The following BABAM2 variants were observed in gnomAD, a reference collection of about 807,000 sequenced individuals.
The protein encoded by BABAM2 is BRISC and BRCA1-A complex member 2.
BABAM2 carries 31 observed loss-of-function variants against 54.7 expected under a neutral mutation model. That is an observed-to-expected ratio of 0.57 (90% CI 0.43 to 0.77). The LOEUF (loss-of-function observed/expected upper bound fraction) is 0.77, where lower values mean the gene tolerates loss of function less well. Among genes scored for constraint, BABAM2 ranks in the 30% least tolerant of loss-of-function variants. The pLI is 0.00. For synonymous variants in BABAM2, 167 were observed against 162.9 expected (o/e 1.03, Z -0.19); for missense variants, 364 against 455.8 (o/e 0.80, Z 1.83).
At chr2:28,052,538 TGGG>T (rs1678078334) in intron 6 of BABAM2, among the ~76,000 whole-genome samples, 8 of 152,144 alleles carry the variant, frequency 5.3e-5, no homozygotes, top group Non-Finnish European at 8.8e-5. Context: ...TCTGCCTGCC[TGGG>T]TCTCCCAAAG....
At chr2:28,065,978 TAA>T (rs756592657) in intron 6 of BABAM2, among the ~76,000 whole-genome samples, 14 of 91,870 alleles carry the variant, frequency 1.5e-4, no homozygotes, top group Admixed American at 4.8e-4. Flanking sequence ...CTGTCTCTAC[TAA>T]AAAAAAAAAA....
chr2:28,268,014 T>C (rs1255638776), intron 10 of BABAM2, among the ~76,000 whole-genome samples: 4 of 152,108 alleles, frequency 2.6e-5, no homozygotes, highest in Non-Finnish European at 5.9e-5. Context: ...CTATACACAA[T>C]AAAGACGAAA....
chr2:28,024,330 C>A (rs904055328), intron 4 of BABAM2, among the ~76,000 whole-genome samples: 3 of 151,562 alleles, frequency 2.0e-5, no homozygotes, highest in African/African-American at 7.3e-5. Context: ...GGCGTGAACC[C>A]GGGAGGCGGA....
intron 6 of BABAM2, among the ~76,000 whole-genome samples, chr2:28,100,323 G>C (rs1666970067): frequency 6.6e-6 from 1 of 151,974 alleles, no homozygotes; most frequent in African/African-American, 2.4e-5. Flanking sequence ...AACCGGGTGT[G>C]GTGGCGCGTG....
chr2:28,319,071 TA>T (rs1356997055), intron 11 of BABAM2, among the ~76,000 whole-genome samples: 2 of 152,174 alleles, frequency 1.3e-5, no homozygotes, highest in Non-Finnish European at 2.9e-5. Context: ...AAGATGCCTT[TA>T]AAAATGCAAA....
chr2:28,295,969 C>T (rs532262179), intron 10 of BABAM2, among the ~76,000 whole-genome samples: 90 of 152,196 alleles, frequency 5.9e-4, no homozygotes, highest in African/African-American at 2.1e-3. Context: ...ATTAGCCGAA[C>T]GTGGTGGCAG....
At chr2:27,920,976 T>G (rs527249383) in intron 2 of BABAM2, among the ~76,000 whole-genome samples, 5 of 152,346 alleles carry the variant, frequency 3.3e-5, no homozygotes, top group Non-Finnish European at 5.9e-5. Flanking sequence ...AGATTAGTTC[T>G]TGGCTGTCAC....
intron 7 of BABAM2, among the ~76,000 whole-genome samples, chr2:28,176,909 G>C (rs550830486): frequency 5.5e-4 from 84 of 151,618 alleles, no homozygotes; most frequent in African/African-American, 2.0e-3. Flanking sequence ...TGACATATGG[G>C]ACACCATAAA....
chr2:28,142,323 A>G (rs1671137489), intron 7 of BABAM2, among the ~76,000 whole-genome samples: 1 of 152,220 alleles, frequency 6.6e-6, no homozygotes, highest in South Asian at 2.1e-4. Context: ...AAATAGGACC[A>G]TAACAGGGAA....
chr2:28,072,025 G>C (rs1020549271), intron 6 of BABAM2, among the ~76,000 whole-genome samples: 7 of 152,088 alleles, frequency 4.6e-5, no homozygotes, highest in Admixed American at 6.6e-5. Context: ...CCTGGATTCT[G>C]TTTGTTTTGT....
At chr2:28,043,894 A>G (rs752093136) in intron 5 of BABAM2, among the ~76,000 whole-genome samples, 13 of 152,194 alleles carry the variant, frequency 8.5e-5, no homozygotes, top group Non-Finnish European at 1.6e-4. Flanking sequence ...ATGGCGTTCA[A>G]TACTGAGAAT....
intron 3 of BABAM2, among the ~76,000 whole-genome samples, chr2:27,979,430 A>G (rs572145723): frequency 1.3e-5 from 2 of 152,088 alleles, no homozygotes; most frequent in South Asian, 2.1e-4. Flanking sequence ...ACATATGAGT[A>G]TATGTGTTTT....
rs146413177 is a variant in BABAM2 at position 28,277,901 on chromosome 2, G to A, written c.935-20437G>A. On this transcript the variant is annotated intron_variant, in intron 10 of 11. Coordinates refer to ENST00000379624, the MANE Select transcript of BABAM2 (RefSeq NM_199191.3). ...GGCATGCAAACACTGCGTGGAAAAT[G>A]CCATAATACATGTGTAGAAACCCCC... is the stretch of plus-strand genomic sequence containing the variant. Among the ~76,000 whole-genome samples the A allele has an allele frequency of 1.5e-4, 23 of 152,310 alleles. No homozygotes were observed. The East Asian group carries it at 4.1e-3, about 27-fold the overall frequency.
intron 6 of BABAM2, among the ~76,000 whole-genome samples, chr2:28,107,346 T>A (rs1460718834): frequency 6.6e-6 from 1 of 152,246 alleles, no homozygotes; most frequent in East Asian, 1.9e-4. Flanking sequence ...TTACTCACTT[T>A]GTAATCCCTT....
Position 28,200,769 on chromosome 2 carries a change from TG to T in BABAM2, c.681-36432del, listed in dbSNP as rs2147953300. On this transcript the variant is annotated intron_variant, in intron 7 of 11. Transcript: ENST00000379624. ...GTATCTATGGGGTTTTTTGTTTGTT[TG>T]TTTGTTTGTTTGTTTTGAGACAGAG... Among the ~76,000 whole-genome samples the T allele has an allele frequency of 2.0e-5, 3 of 151,952 alleles. 1 individual carries two copies. The South Asian group carries it at 6.2e-4, about 32-fold the overall frequency.
intron 7 of BABAM2, among the ~76,000 whole-genome samples, chr2:28,197,075 C>T (rs1434825702): frequency 6.6e-6 from 1 of 151,724 alleles, no homozygotes; most frequent in African/African-American, 2.4e-5. Flanking sequence ...TGGTCTCAAA[C>T]TCCTGAGCTC....
intron 4 of BABAM2, among the ~76,000 whole-genome samples, chr2:28,005,073 T>G (rs1031169233): frequency 6.6e-6 from 1 of 152,190 alleles, no homozygotes; most frequent in Admixed American, 6.5e-5. Context: ...TCTATACAGA[T>G]TAAATTAAAA....
In BABAM2 at chr2:28,189,860, A is replaced by C. The variant is rs545849170; in HGVS notation, c.681-47342A>C. Among the ~76,000 whole-genome samples the C allele has an allele frequency of 2.6e-5, 4 of 152,318 alleles. No homozygotes were observed. In the South Asian group the frequency reaches 8.3e-4, roughly 32 times the overall value. ...TGAAAAGAAGAGCAAAGTTGGAGGA[A>C]GGACTTGCAATACCTGATTTCAATA... On this transcript the variant is annotated intron_variant, in intron 7 of 11. Transcript: ENST00000379624.
intron 7 of BABAM2, among the ~76,000 whole-genome samples, chr2:28,167,562 C>T (rs561546369): frequency 2.6e-5 from 4 of 151,598 alleles, no homozygotes; most frequent in African/African-American, 4.8e-5. Context: ...GACATTGTGG[C>T]GGGTGCCTGT....
Sources: gnomAD v4.1 joint callset for allele counts (sites outside exome capture counted in the v4.1 genomes callset) on GRCh38, gnomAD v4.1.1 for gene constraint, MANE v1.5 for transcripts, NCBI Gene and HGNC (gene_info 2026-07-23, HGNC 2026-07-21) for gene names.